The following ZMYND8 variants were observed in gnomAD, a reference collection of about 807,000 sequenced individuals.
ZMYND8 encodes the protein zinc finger MYND-type containing 8.
In ZMYND8, 37 loss-of-function variants were observed where a neutral mutation model predicts 140.8. The observed-to-expected ratio is 0.26, with a 90% confidence interval of 0.20 to 0.35. The LOEUF is 0.35. Among genes scored for constraint, ZMYND8 ranks in the 10% least tolerant of loss-of-function variants. The pLI is 1.00. For synonymous variants in ZMYND8, 592 were observed against 597.1 expected, an observed-to-expected ratio of 0.99 and a Z score of 0.12; for missense variants, 1,068 against 1,570.0, an observed-to-expected ratio of 0.68 and a Z score of 5.40.
chr20:47,267,493 G>A (rs1249722603), intron 11 of ZMYND8, among the ~76,000 whole-genome samples: 1 of 101,384 alleles, frequency 9.9e-6, no homozygotes, highest in Non-Finnish European at 2.0e-5. Context: ...TTCAGGGCCG[G>A]GGCGGGGGGG....
chr20:47,227,631 T>C (rs1194172226), intron 17 of ZMYND8, among the ~76,000 whole-genome samples: 1 of 152,106 alleles, frequency 6.6e-6, no homozygotes, highest in Non-Finnish European at 1.5e-5. Context: ...CACTCTTACA[T>C]AACATTTAGG....
intron 21 of ZMYND8, among the ~76,000 whole-genome samples, chr20:47,217,661 G>A (rs1352117059): frequency 6.6e-6 from 1 of 151,822 alleles, no homozygotes; most frequent in East Asian, 1.9e-4. Flanking sequence ...GAGTTACCTG[G>A]GCATCTGAGT....
At chr20:47,356,116 T>C (rs2083211485) in intron 1 of ZMYND8, among the ~76,000 whole-genome samples, 1 of 152,048 alleles carries the variant, frequency 6.6e-6, no homozygotes, top group South Asian at 2.1e-4. Context: ...TCCTCTCTTG[T>C]CAAAACTTAT....
At chr20:47,244,467 A>G (rs868802927) in intron 14 of ZMYND8, among the ~76,000 whole-genome samples, 2 of 152,208 alleles carry the variant, frequency 1.3e-5, no homozygotes, top group Non-Finnish European at 2.9e-5. Context: ...CCTTCCAATC[A>G]TTCCCACACC....
intron 2 of ZMYND8, among the ~76,000 whole-genome samples, chr20:47,321,237 C>T (rs1446024989): frequency 6.6e-6 from 1 of 152,222 alleles, no homozygotes; most frequent in African/African-American, 2.4e-5. Context: ...ACCCGGCATA[C>T]AGCAGGAGCT....
chr20:47,341,745 T>C (rs2081908923), intron 2 of ZMYND8, among the ~76,000 whole-genome samples: 1 of 152,144 alleles, frequency 6.6e-6, no homozygotes, highest in African/African-American at 2.4e-5. Flanking sequence ...GGCTCGTGCC[T>C]GTAATCCCAG....
intron 21 of ZMYND8, 39 bp from the exon 22 acceptor site, chr20:47,212,764 G>C (rs2035473597): frequency 6.4e-7 from 1 of 1,557,724 alleles, no homozygotes; most frequent in African/African-American, 1.4e-5. Flanking sequence ...GTCTGTCAGA[G>C]AGCTGGAATT....
At chr20:47,314,626 T>G (rs1235396350) in intron 2 of ZMYND8, among the ~76,000 whole-genome samples, 3 of 152,216 alleles carry the variant, frequency 2.0e-5, no homozygotes, top group Admixed American at 2.0e-4. Flanking sequence ...GGAGGTACAC[T>G]AGTTTGAGGA....
chr20:47,308,197 T>C (rs1453280994), intron 3 of ZMYND8, among the ~76,000 whole-genome samples: 1 of 149,756 alleles, frequency 6.7e-6, no homozygotes, highest in Non-Finnish European at 1.5e-5. Context: ...ATGTGACCTG[T>C]GGCTACCATC....
chr20:47,239,769 T>G (rs1003109185), intron 14 of ZMYND8, among the ~76,000 whole-genome samples: 1 of 152,144 alleles, frequency 6.6e-6, no homozygotes, highest in East Asian at 1.9e-4. Flanking sequence ...GCCAGAACCT[T>G]CCCCCAACGC....
intron 1 of ZMYND8, among the ~76,000 whole-genome samples, chr20:47,350,453 T>TG (rs1556502776): frequency 7.9e-5 from 12 of 151,306 alleles, no homozygotes; most frequent in African/African-American, 2.9e-4. Flanking sequence ...TTCGGTTTTT[T>TG]TGTGTGTGTG....
chr20:47,272,204 A>G (rs2075995810), intron 11 of ZMYND8, among the ~76,000 whole-genome samples: 1 of 150,312 alleles, frequency 6.7e-6, no homozygotes. Flanking sequence ...CAGCCTCCCA[A>G]GTAGCTGGGA....
intron 21 of ZMYND8, among the ~76,000 whole-genome samples, chr20:47,215,407 C>T (rs2035943204): frequency 6.6e-6 from 1 of 151,960 alleles, no homozygotes; most frequent in Admixed American, 6.6e-5. Flanking sequence ...ATGTCCATGA[C>T]TGTTAATGGC....
At chr20:47,319,281 T>G (rs888807800) in intron 2 of ZMYND8, 1 of 343,544 alleles carries the variant, frequency 2.9e-6, no homozygotes, top group Non-Finnish European at 5.7e-6. Context: ...AAGTCTCCGG[T>G]GCAGTGCACC....
At chr20:47,276,266 C>A (rs1210220244) in intron 11 of ZMYND8, 48 bp downstream of exon 11, 7 of 1,491,260 alleles carry the variant, frequency 4.7e-6, no homozygotes, top group South Asian at 2.8e-5. Context: ...CCATGGGAAA[C>A]CCCCGTGTCC....
rs1037322750 is a variant in ZMYND8, at chr20:47,285,723, G to A, written c.804+1506C>T. The A allele has an allele frequency of 3.0e-6, 3 of 985,056 alleles. No individual in the cohort carries two copies. In the African/African-American group the frequency reaches 5.2e-5, roughly 17 times the overall value. 61.0% of individuals were successfully genotyped at this position (985,056 alleles called of 1,614,324 possible). ...TGTTACTTAAGATGCTGATAAAACTGGGTACTATTTAATGACAAGAGGAGT... is the reference window on the plus strand; with the variant it reads ...TGTTACTTAAGATGCTGATAAAACTAGGTACTATTTAATGACAAGAGGAGT... On this transcript the variant is annotated intron_variant, in intron 8 of 22. Transcript: ENST00000471951.
intron 5 of ZMYND8, among the ~76,000 whole-genome samples, chr20:47,292,743 G>A (rs928295446): frequency 6.6e-6 from 1 of 152,014 alleles, no homozygotes; most frequent in Admixed American, 6.6e-5. Context: ...GGGGCATCAT[G>A]TCCGCAAGTT....
intron 21 of ZMYND8, among the ~76,000 whole-genome samples, chr20:47,213,901 C>T (rs970464129): frequency 2.0e-5 from 3 of 152,160 alleles, no homozygotes; most frequent in Admixed American, 6.6e-5. Context: ...CAGAATGAGC[C>T]GTGTAAACTG....
At chr20:47,318,555 T>C (rs1286497337) in intron 2 of ZMYND8, 2 of 361,930 alleles carry the variant, frequency 5.5e-6, no homozygotes, top group Non-Finnish European at 1.1e-5. Context: ...GAAGCAAAAT[T>C]GTCCTCGCAG....
Sources: allele counts gnomAD v4.1 joint callset (sites outside exome capture counted in the v4.1 genomes callset), GRCh38; gene constraint gnomAD v4.1.1; transcripts MANE v1.5; gene names NCBI Gene and HGNC (gene_info 2026-07-23, HGNC 2026-07-21).